Variants in EP400 observed in about 807,000 individuals in gnomAD.
EP400 encodes the protein E1A binding protein p400, also known as E1A-binding protein p400.
EP400 carries 105 observed loss-of-function variants against 354.1 expected under a neutral mutation model. The ratio of observed to expected loss-of-function variants is 0.30; its 90% CI spans 0.25 to 0.35. EP400 has a LOEUF of 0.35. Ranked by LOEUF, EP400 falls within the 10% of genes least tolerant of loss-of-function variation. The pLI is 1.00. For synonymous variants in EP400, 1,646 were observed against 1,716.9 expected, an observed-to-expected ratio of 0.96 and a Z score of 1.02; for missense variants, 3,280 against 4,121.0, an observed-to-expected ratio of 0.80 and a Z score of 5.59.
intron 2 of EP400, among the ~76,000 whole-genome samples, chr12:131,962,684 C>G (rs1447094395): frequency 6.6e-6 from 1 of 152,014 alleles, no homozygotes; most frequent in African/African-American, 2.4e-5. Flanking sequence ...CATAATAAAC[C>G]CCCTACCTGA....
In EP400 at chr12:132,052,976, G is replaced by T; in HGVS notation, c.7395-170G>T. On this transcript the variant is annotated intron_variant, in intron 41 of 52. Transcript: ENST00000389561. This position sits in a 1 kb window ranked among gnomAD's most constrained non-coding sequence, Gnocchi z 4.4. Reference sequence around the variant, plus strand: ...GACTCAGCGCCAGGCTGAGGATGAGGTCTAGGTGGCTCGATCTCCTGCAGG... The same window carrying T: ...GACTCAGCGCCAGGCTGAGGATGAGTTCTAGGTGGCTCGATCTCCTGCAGG... 6.6e-6 allele frequency among the ~76,000 whole-genome samples: 1 copy of T among 152,132 alleles called. No homozygotes were observed. The highest frequency in any genetic ancestry group is 2.1e-4 in the South Asian group (1 of 4,830).
chr12:132,051,701 GCA>G (rs1895295717), intron 41 of EP400, among the ~76,000 whole-genome samples: 4 of 152,322 alleles, frequency 2.6e-5, no homozygotes, highest in Middle Eastern at 3.4e-3. Flanking sequence ...GACCACTGAA[GCA>G]CAGCATCACA....
chr12:131,987,575 T>G, intron 6 of EP400, 130 bp from the exon 7 acceptor site: 1 of 729,282 alleles, frequency 1.4e-6, no homozygotes, highest in Non-Finnish European at 2.1e-6. Flanking sequence ...AACTGGGACC[T>G]TGTGCTTTCT....
Position 132,070,880 on chromosome 12 carries a change from T to A in EP400, c.9021+1239T>A, listed in dbSNP as rs2136619696. On this transcript the variant is annotated intron_variant, in intron 51 of 52. Coordinates refer to ENST00000389561, the MANE Select transcript of EP400 (RefSeq NM_015409.5). The surrounding 1 kb of genome is among the most constrained non-coding windows in gnomAD (Gnocchi z 4.1). ...TGTCTCTGGCTGTTGTACATTTTTGTACATTAGTTTTTTATTCTGGCCGCC... is the reference window on the plus strand; with the variant it reads ...TGTCTCTGGCTGTTGTACATTTTTGAACATTAGTTTTTTATTCTGGCCGCC... Among the ~76,000 whole-genome samples the A allele has an allele frequency of 6.6e-6, 1 of 152,378 alleles. No individual in the cohort carries two copies. The highest frequency in any genetic ancestry group is 6.5e-5 in the Admixed American group (1 of 15,310).
At chr12:132,032,549 A>G (rs1488050880) in intron 30 of EP400, among the ~76,000 whole-genome samples, 1 of 152,212 alleles carries the variant, frequency 6.6e-6, no homozygotes, top group African/African-American at 2.4e-5. Context: ...ATTATGAACT[A>G]TAAATTATCT....
intron 30 of EP400, among the ~76,000 whole-genome samples, chr12:132,036,658 T>A (rs942196657): frequency 2.6e-5 from 4 of 152,256 alleles, no homozygotes; most frequent in Admixed American, 6.5e-5. Flanking sequence ...CATCCCCACT[T>A]TTTTTAGTGG....
At chr12:132,069,462 C>G (rs1896005290) in intron 50 of EP400, 33 bp from the exon 51 acceptor site, 1 of 1,606,498 alleles carries the variant, frequency 6.2e-7, no homozygotes, top group African/African-American at 1.3e-5. Flanking sequence ...GCGGCATGGT[C>G]TCTGCGGCCC....
Position 131,960,817 on chromosome 12 carries a change from T to C in EP400, c.198T>C (p.Pro66=). The part of the protein sequence containing the change: ...YQIQQLMNRS[P]ATGQNVNITL... ...TACAGCAGCTGATGAATAGGAGCCCTGCAACCGGGCAGAACGTGAACATCA... is the reference window on the plus strand; with the variant it reads ...TACAGCAGCTGATGAATAGGAGCCCCGCAACCGGGCAGAACGTGAACATCA... The change falls in exon 2 of 53, where the codon CCT becomes CCC. Residue 66 remains proline, a synonymous_variant. Coordinates refer to ENST00000389561, the MANE Select transcript of EP400 (RefSeq NM_015409.5). 1.2e-6 allele frequency: 2 copies of C among 1,613,166 alleles called. No individual in the cohort carries two copies. The highest frequency in any genetic ancestry group is 1.7e-6 in the Non-Finnish European group (2 of 1,179,876).
chr12:132,056,946 A>G (rs1329025467), intron 45 of EP400, among the ~76,000 whole-genome samples: 2 of 152,236 alleles, frequency 1.3e-5, no homozygotes, highest in African/African-American at 4.8e-5. Flanking sequence ...GTGCAACGCC[A>G]TGAGTCATCA....
At chr12:132,042,453 TGAG>T (rs1204210250) in intron 32 of EP400, among the ~76,000 whole-genome samples, 4 of 152,218 alleles carry the variant, frequency 2.6e-5, no homozygotes, top group Non-Finnish European at 4.4e-5. Flanking sequence ...TGTGCTCTGC[TGAG>T]GAGATTACTC....
intron 50 of EP400, 51 bp from the exon 51 acceptor site, chr12:132,069,444 T>G: frequency 6.3e-7 from 1 of 1,591,016 alleles, no homozygotes; most frequent in Non-Finnish European, 8.6e-7. Flanking sequence ...GTCCCGGGAG[T>G]CTTGAGCGCG....
At chr12:132,069,436 C>T in intron 50 of EP400, 59 bp from the exon 51 acceptor site, 1 of 1,585,690 alleles carries the variant, frequency 6.3e-7, no homozygotes, top group South Asian at 1.1e-5. Context: ...GGGCAGGCGT[C>T]CCGGGAGTCT....
chr12:131,995,054 A>C lies in EP400; in HGVS notation c.2827+98A>C, dbSNP rs920134990. ...TAATATATTGAGTAACAACAGCAGC[A>C]GTGCCTGTTTTATGGAAAACAGTCC... On this transcript the variant is annotated intron_variant, in intron 12 of 52. Transcript: ENST00000389561. 4 of 1,187,590 alleles carry C rather than the reference A, an allele frequency of 3.4e-6. No individual in the cohort carries two copies. In the African/African-American group the frequency reaches 6.1e-5, roughly 18 times the overall value. The allele number at this position is 1,187,590 out of a possible 1,614,324, so 73.6% of individuals were successfully genotyped here.
chr12:131,967,023 G>A (rs974212835), intron 2 of EP400, among the ~76,000 whole-genome samples: 16 of 151,858 alleles, frequency 1.1e-4, no homozygotes, highest in South Asian at 4.2e-4. Flanking sequence ...GCAGTGAGTC[G>A]TGGACATGCC....
intron 2 of EP400, among the ~76,000 whole-genome samples, chr12:131,966,049 AAAAAG>A (rs1892065502): frequency 6.6e-6 from 1 of 152,124 alleles, no homozygotes; most frequent in Non-Finnish European, 1.5e-5. Context: ...AAAAAAAAAA[AAAAAG>A]AAAAACTAGG....
In EP400 at chr12:131,994,751, A is replaced by G. The variant is rs1893148424; in HGVS notation, c.2738-116A>G. 1 of 753,906 alleles carries G rather than the reference A, an allele frequency of 1.3e-6. No homozygotes were observed. Among genetic ancestry groups the G allele is most frequent in the Non-Finnish European group, 2.1e-6 (1 of 469,786 alleles). 46.7% of individuals were successfully genotyped at this position (753,906 alleles called of 1,614,324 possible). A position where few individuals can be genotyped will look rare whatever the true frequency, so the allele number is the denominator to read the frequency against. On this transcript the variant is annotated intron_variant, in intron 11 of 52. Coordinates refer to ENST00000389561, the MANE Select transcript of EP400 (RefSeq NM_015409.5). This position sits in a 1 kb window ranked among gnomAD's most constrained non-coding sequence, Gnocchi z 4.6. Reference sequence around the variant, plus strand: ...TTTAACCTGAGAAGTTTAAAAGCTCAGTTTCAATTTCTGTAATAGCTATGC... The same window carrying G: ...TTTAACCTGAGAAGTTTAAAAGCTCGGTTTCAATTTCTGTAATAGCTATGC...
chr12:131,962,630 G>C (rs1323034865), intron 2 of EP400, among the ~76,000 whole-genome samples: 4 of 152,206 alleles, frequency 2.6e-5, no homozygotes, highest in Non-Finnish European at 4.4e-5. Context: ...ATTTAAGAGT[G>C]ACTCTTTTTT....
Position 132,029,826 on chromosome 12 carries a change from A to G in EP400, c.5507A>G (p.Tyr1836Cys), listed in dbSNP as rs752599319. The G allele has an allele frequency of 5.0e-6, 8 of 1,613,314 alleles. No individual in the cohort carries two copies. Among genetic ancestry groups the G allele is most frequent in the Non-Finnish European group, 6.8e-6 (8 of 1,180,054 alleles). ...GGCCTGAGAGAGCACGCTGCGCCGT[A>G]CTTCCAGCAGCTGCGGCAGACCACG... ...RQGLREHAAP[Y>C]FQQLRQTTAP... The change falls in exon 28 of 53, where the codon TAC (tyrosine) becomes TGC (cysteine). Residue 1836 changes from tyrosine to cysteine, a missense_variant. Physicochemically the swap from Tyr to Cys is radical, Grantham distance 194. Around this residue, in one of 20 missense-constraint regions of EP400, gnomAD observed 459 missense variants for 496.9 expected, o/e 0.92. Coordinates refer to ENST00000389561, the MANE Select transcript of EP400 (RefSeq NM_015409.5). The surrounding 1 kb of genome is among the most constrained non-coding windows in gnomAD (Gnocchi z 4.7).
chr12:132,022,064 GCA>G (rs1353274202), intron 23 of EP400, among the ~76,000 whole-genome samples: 1 of 152,206 alleles, frequency 6.6e-6, no homozygotes, highest in Non-Finnish European at 1.5e-5. Flanking sequence ...AGGGAGTGAT[GCA>G]CAGAGACACT....
Sources: gnomAD v4.1 joint callset for allele counts (sites outside exome capture counted in the v4.1 genomes callset) on GRCh38, gnomAD v4.1.1 for gene constraint, gnomAD v4.1.1 regional missense constraint, Gnocchi (gnomAD v3.1) non-coding constraint, MANE v1.5 for transcripts, NCBI Gene and HGNC (gene_info 2026-07-23, HGNC 2026-07-21) for gene names.